The following DRC5 variants were observed in gnomAD, a reference collection of about 807,000 sequenced individuals.
DRC5 encodes the protein dynein regulatory complex subunit 5.
At chr6:44,279,950 A>C in the DRC5 span, 1 of 450,520 alleles carries the variant, frequency 2.2e-6, no homozygotes, top group East Asian at 3.6e-5. Context: ...GGTGTCCAGT[A>C]ATATCCTTTC....
chr6:44,287,876 A>G, the DRC5 span: 11 of 1,575,672 alleles, frequency 7.0e-6, no homozygotes, highest in Admixed American at 1.8e-5. Context: ...GCCTTATGAC[A>G]AGAAGCTTCT....
the DRC5 span, among the ~76,000 whole-genome samples, chr6:44,291,493 G>A: frequency 1.1e-4 from 17 of 152,290 alleles, no homozygotes; most frequent in East Asian, 1.9e-3. Flanking sequence ...TTGGCAGGTT[G>A]CCTTCTGACC....
At chr6:44,293,565 C>T in the DRC5 span, among the ~76,000 whole-genome samples, 4 of 152,194 alleles carry the variant, frequency 2.6e-5, no homozygotes, top group East Asian at 1.9e-4. Context: ...ATGACTGGCC[C>T]TAAAACACCT....
chr6:44,286,562 G>A, the DRC5 span: 2 of 1,579,434 alleles, frequency 1.3e-6, no homozygotes, highest in Non-Finnish European at 1.7e-6. Flanking sequence ...AGCGCAGGGG[G>A]TCACAGTGTT....
chr6:44,286,590 G>A, the DRC5 span: 1 of 1,473,274 alleles, frequency 6.8e-7, no homozygotes, highest in African/African-American at 1.4e-5. Flanking sequence ...ACCTCAACAT[G>A]ATGCCTCAGG....
At chr6:44,287,506 C>A in the DRC5 span, 7 of 1,566,584 alleles carry the variant, frequency 4.5e-6, no homozygotes, top group Admixed American at 8.6e-5. Context: ...CCTAGCCCCC[C>A]TCTTGGCCTT....
the DRC5 span, chr6:44,287,985 G>C: frequency 1.0e-5 from 9 of 878,334 alleles, no homozygotes; most frequent in South Asian, 1.5e-4. Flanking sequence ...ACTAAGAGAG[G>C]TGGTACAGAA....
At chr6:44,280,431 A>G in the DRC5 span, 2 of 1,486,252 alleles carry the variant, frequency 1.3e-6, no homozygotes, top group Non-Finnish European at 1.9e-6. Flanking sequence ...TTACATCACT[A>G]CCCAGGATCT....
At chr6:44,285,511 T>G in the DRC5 span, among the ~76,000 whole-genome samples, 1 of 152,204 alleles carries the variant, frequency 6.6e-6, no homozygotes, top group Admixed American at 6.5e-5. Context: ...TACCTCAGCC[T>G]CCTCAGTCTC....
the DRC5 span, among the ~76,000 whole-genome samples, chr6:44,296,366 C>T: frequency 6.6e-6 from 1 of 152,194 alleles, no homozygotes; most frequent in Non-Finnish European, 1.5e-5. Context: ...AGGAGACTTC[C>T]GCAAGGCTGG....
chr6:44,280,349 C>A, the DRC5 span: 1 of 1,614,094 alleles, frequency 6.2e-7, no homozygotes, highest in Non-Finnish European at 8.5e-7. Flanking sequence ...CCAGGAGGGT[C>A]TTGTTGTCTG....
At chr6:44,280,328 C>T in the DRC5 span, 1 of 1,614,022 alleles carries the variant, frequency 6.2e-7, no homozygotes, top group East Asian at 2.2e-5. Flanking sequence ...CTGACAGGCG[C>T]AAGTCAAATT....
At chr6:44,286,541 A>G in the DRC5 span, 2 of 1,605,160 alleles carry the variant, frequency 1.2e-6, no homozygotes, top group East Asian at 2.2e-5. Flanking sequence ...TTCTTTGGGA[A>G]CAGAGGAAGG....
chr6:44,286,555 G>T, the DRC5 span: 7 of 1,589,032 alleles, frequency 4.4e-6, 1 homozygote, highest in South Asian at 6.9e-5. Context: ...AGGAAGGAGC[G>T]CAGGGGGTCA....
chr6:44,280,239 T>C, the DRC5 span: 4 of 1,614,172 alleles, frequency 2.5e-6, no homozygotes, highest in Non-Finnish European at 3.4e-6. Context: ...GTGGCTGGGA[T>C]TCAGGGCCCG....
At chr6:44,282,134 G>C in the DRC5 span, 3 of 1,614,020 alleles carry the variant, frequency 1.9e-6, no homozygotes, top group African/African-American at 2.7e-5. Context: ...TGCAGGACAG[G>C]TTGATGCTGG....
the DRC5 span, chr6:44,282,546 G>A: frequency 6.3e-7 from 1 of 1,589,824 alleles, no homozygotes; most frequent in Non-Finnish European, 8.5e-7. Context: ...CTTGCTTCGG[G>A]TCAGCTTGAA....
the DRC5 span, chr6:44,287,896 A>C: frequency 4.6e-6 from 7 of 1,537,048 alleles, no homozygotes; most frequent in South Asian, 8.8e-5. Flanking sequence ...TCAGACTGGC[A>C]GGTCCTTGAA....
chr6:44,297,379 G>A, the DRC5 span, among the ~76,000 whole-genome samples: 2 of 152,154 alleles, frequency 1.3e-5, no homozygotes, highest in African/African-American at 4.8e-5. Context: ...CCCTCCCCTC[G>A]CCTCACTCGG....
Sources: allele counts gnomAD v4.1 joint callset (sites outside exome capture counted in the v4.1 genomes callset), GRCh38; gene constraint gnomAD v4.1.1; transcripts MANE v1.5; gene names NCBI Gene and HGNC (gene_info 2026-07-23, HGNC 2026-07-21).